Variants in GYS2 observed in about 807,000 individuals in gnomAD.
GYS2 encodes glycogen [starch] synthase, liver.
Under a neutral mutation model 85.6 loss-of-function variants are expected in GYS2, and 80 were observed. The ratio of observed to expected loss-of-function variants is 0.93; its 90% CI spans 0.78 to 1.13. GYS2 has a LOEUF of 1.13. GYS2 is among the 50% of genes most tolerant of loss of function. GYS2 has a pLI of 0.00. For synonymous variants in GYS2, 328 were observed against 300.7 expected, an observed-to-expected ratio of 1.09 and a Z score of -0.94; for missense variants, 881 against 854.9, an observed-to-expected ratio of 1.03 and a Z score of -0.38.
intron 1 of GYS2, among the ~76,000 whole-genome samples, chr12:21,581,956 A>C (rs1159414024): frequency 6.6e-6 from 1 of 152,208 alleles, no homozygotes; most frequent in Non-Finnish European, 1.5e-5. Flanking sequence ...ATTTATGACC[A>C]AGTCCTCAAA....
chr12:21,570,101 C>T (rs960770115), intron 4 of GYS2, among the ~76,000 whole-genome samples: 3 of 152,092 alleles, frequency 2.0e-5, no homozygotes, highest in Non-Finnish European at 4.4e-5. Flanking sequence ...AAAAGAGACC[C>T]ATTAGAGGAA....
chr12:21,595,653 TA>T (rs1944687477), intron 1 of GYS2, among the ~76,000 whole-genome samples: 1 of 151,754 alleles, frequency 6.6e-6, no homozygotes, highest in African/African-American at 2.4e-5. Context: ...CAAAAGTGAG[TA>T]GGCAAAACAA....
chr12:21,564,571 G>T (rs1944295641), intron 5 of GYS2, among the ~76,000 whole-genome samples: 1 of 152,062 alleles, frequency 6.6e-6, no homozygotes, highest in Non-Finnish European at 1.5e-5. Context: ...TAAGTAATCT[G>T]ACCTTTGTTA....
chr12:21,593,978 C>T (rs1414433000), intron 1 of GYS2, among the ~76,000 whole-genome samples: 1 of 152,020 alleles, frequency 6.6e-6, no homozygotes, highest in Admixed American at 6.6e-5. Flanking sequence ...TGATACATCA[C>T]ATCAACAAAA....
intron 7 of GYS2, among the ~76,000 whole-genome samples, chr12:21,561,612 A>T (rs1417686437): frequency 3.3e-5 from 5 of 152,164 alleles, no homozygotes; most frequent in Non-Finnish European, 7.4e-5. Flanking sequence ...CTTCATATCT[A>T]TAAATAAAGT....
intron 14 of GYS2, 37 bp from the exon 15 acceptor site, chr12:21,539,375 C>A (rs1420260671): frequency 3.7e-6 from 4 of 1,080,116 alleles, no homozygotes; most frequent in South Asian, 1.3e-5. Context: ...TTAATAAAAA[C>A]CCTTAGATAT....
At position 21,604,497 on chromosome 12, in the gene GYS2, T is replaced by G. The variant is rs756956421; in HGVS notation, c.96A>C (p.Glu32Asp). 10 of 1,611,934 alleles carry G rather than the reference T, an allele frequency of 6.2e-6. No homozygotes were observed. Among genetic ancestry groups the G allele is most frequent in the Non-Finnish European group, 8.5e-6 (10 of 1,178,374 alleles). Reference protein sequence around the residue: ...ELPVEELLLFEVAWEVTNKVG... With the variant: ...ELPVEELLLFDVAWEVTNKVG... ...CTTTATTGGTCACTTCCCAAGCAAC[T>G]TCAAAGAGCAGTAACTCCTCCACAG... The change falls in exon 1 of 16, where the codon GAA becomes GAC. Residue 32 changes from glutamate (E) to aspartate (D), a missense_variant. Physicochemically the swap from Glu to Asp is conservative, Grantham distance 45 (BLOSUM62 2). Transcript: ENST00000261195.
At chr12:21,577,851 C>T (rs984933715) in intron 2 of GYS2, among the ~76,000 whole-genome samples, 5 of 152,166 alleles carry the variant, frequency 3.3e-5, no homozygotes, top group African/African-American at 9.7e-5. Flanking sequence ...ACATATAAAA[C>T]ACCTTTGAAA....
intron 1 of GYS2, among the ~76,000 whole-genome samples, chr12:21,598,949 AG>A (rs1036909799): frequency 4.6e-5 from 7 of 152,086 alleles, no homozygotes; most frequent in Non-Finnish European, 8.8e-5. Flanking sequence ...TATAACAATG[AG>A]GTGGTTAAAA....
chr12:21,546,502 A>C, intron 11 of GYS2, 32 bp from the exon 12 acceptor site: 1 of 1,493,772 alleles, frequency 6.7e-7, no homozygotes, highest in Non-Finnish European at 9.2e-7. Flanking sequence ...TTAAAAAAAA[A>C]GAAAAAGGAG....
downstream of GYS2, among the ~76,000 whole-genome samples, chr12:21,535,342 A>G (rs1943900990): frequency 6.6e-6 from 1 of 152,164 alleles, no homozygotes; most frequent in Non-Finnish European, 1.5e-5. Context: ...AGTGAACCCT[A>G]GTTTATCACA....
At chr12:21,570,096 A>C (rs1944368625) in intron 4 of GYS2, among the ~76,000 whole-genome samples, 2 of 152,218 alleles carry the variant, frequency 1.3e-5, no homozygotes, top group South Asian at 4.1e-4. Context: ...TACTAAAAAG[A>C]GACCCATTAG....
intron 11 of GYS2, 148 bp from the exon 12 acceptor site, chr12:21,546,618 A>G: frequency 1.7e-6 from 1 of 595,016 alleles, no homozygotes; most frequent in Non-Finnish European, 2.9e-6. Context: ...CAAAAGAAAA[A>G]GAAAAAAGCC....
At chr12:21,538,800 G>A (rs1225446449) in intron 15 of GYS2, among the ~76,000 whole-genome samples, 1 of 152,164 alleles carries the variant, frequency 6.6e-6, no homozygotes, top group African/African-American at 2.4e-5. Context: ...CGTCTAGTTG[G>A]ATTTTAGAAG....
At chr12:21,563,388 A>T in intron 5 of GYS2, 43 bp from the exon 6 acceptor site, 1 of 984,600 alleles carries the variant, frequency 1.0e-6, no homozygotes, top group Non-Finnish European at 1.7e-6. Context: ...TCTCTTTTCA[A>T]AGAGGGTACC....
intron 5 of GYS2, among the ~76,000 whole-genome samples, chr12:21,567,481 G>A (rs1944334653): frequency 6.6e-6 from 1 of 151,470 alleles, no homozygotes; most frequent in African/African-American, 2.4e-5. Flanking sequence ...GGCTACTATA[G>A]GTTCTTAATG....
chr12:21,583,052 CTT>C (rs1486669206), intron 1 of GYS2, among the ~76,000 whole-genome samples: 7 of 152,152 alleles, frequency 4.6e-5, no homozygotes, highest in Admixed American at 1.3e-4. Flanking sequence ...AACTCTCCAG[CTT>C]TGTGCCATAA....
At chr12:21,560,282 CTT>C in intron 8 of GYS2, 102 bp downstream of exon 8, 1 of 756,620 alleles carries the variant, frequency 1.3e-6, no homozygotes. Context: ...CTGTAATAAT[CTT>C]AAGGAAAAAA....
At chr12:21,541,175 G>A (rs1943968674) in intron 13 of GYS2, among the ~76,000 whole-genome samples, 2 of 146,196 alleles carry the variant, frequency 1.4e-5, no homozygotes, top group Non-Finnish European at 3.0e-5. Flanking sequence ...GGTTGGGGCA[G>A]GAGAATCACC....
Sources: gnomAD v4.1 joint callset for allele counts (sites outside exome capture counted in the v4.1 genomes callset) on GRCh38, gnomAD v4.1.1 for gene constraint, MANE v1.5 for transcripts, NCBI Gene and HGNC (gene_info 2026-07-23, HGNC 2026-07-21) for gene names.